The following SPECC1 variants were observed in gnomAD, a reference collection of about 807,000 sequenced individuals.
SPECC1 encodes the protein sperm antigen with calponin homology and coiled-coil domains 1, also known as cytospin-B.
A neutral mutation model predicts 104.1 loss-of-function variants in SPECC1; 62 were observed. That is an observed-to-expected ratio of 0.60 (90% CI 0.49 to 0.74). The LOEUF (loss-of-function observed/expected upper bound fraction) is 0.74, where lower values mean the gene tolerates loss of function less well. Among genes scored for constraint, SPECC1 ranks in the 30% least tolerant of loss-of-function variants. The pLI, the probability that SPECC1 is intolerant of heterozygous loss-of-function variation, is 0.00. For synonymous variants in SPECC1, 513 were observed against 501.6 expected (o/e 1.02, Z -0.30); for missense variants, 1,306 against 1,310.5 (o/e 1.00, Z 0.05).
At chr17:20,070,527 C>T (rs138148575) in intron 1 of SPECC1, among the ~76,000 whole-genome samples, 1 of 152,160 alleles carries the variant, frequency 6.6e-6, no homozygotes, top group South Asian at 2.1e-4. Flanking sequence ...GAGGATTTTT[C>T]TATATCTTAT....
chr17:20,036,619 A>T (rs921967719), intron 1 of SPECC1, among the ~76,000 whole-genome samples: 7 of 152,198 alleles, frequency 4.6e-5, no homozygotes, highest in Admixed American at 4.6e-4. Context: ...AAGTATAGTT[A>T]CCATGTTGTG....
intron 9 of SPECC1, among the ~76,000 whole-genome samples, chr17:20,251,220 A>C (rs1008585016): frequency 1.4e-5 from 2 of 143,962 alleles, no homozygotes; most frequent in African/African-American, 2.6e-5. Flanking sequence ...GTAAGACTCT[A>C]TCTCAAAAAA....
intron 1 of SPECC1, among the ~76,000 whole-genome samples, chr17:20,078,280 A>G (rs2046839805): frequency 6.6e-6 from 1 of 151,786 alleles, no homozygotes; most frequent in Admixed American, 6.5e-5. Flanking sequence ...TGAGAGAAAT[A>G]CATGCAGCAC....
intron 4 of SPECC1, among the ~76,000 whole-genome samples, chr17:20,208,296 A>G (rs142030403): frequency 3.9e-4 from 59 of 152,348 alleles, no homozygotes; most frequent in African/African-American, 1.4e-3. Flanking sequence ...TTGTATATCT[A>G]TCAAGACCCT....
intron 4 of SPECC1, among the ~76,000 whole-genome samples, chr17:20,225,817 G>A (rs1399966421): frequency 6.6e-6 from 1 of 152,178 alleles, no homozygotes; most frequent in African/African-American, 2.4e-5. Context: ...AGCCATTGCT[G>A]GAGGATCCTT....
At chr17:20,306,273 A>G (rs1032983499) in intron 14 of SPECC1, 191 bp downstream of exon 14, 4 of 521,274 alleles carry the variant, frequency 7.7e-6, no homozygotes, top group South Asian at 3.0e-5. Flanking sequence ...TTTCAATCGC[A>G]TAAGATTTCA....
intron 12 of SPECC1, among the ~76,000 whole-genome samples, chr17:20,270,433 CAAAAAAAAAAAAAAAAAAAAAAAA>C (rs71157863): frequency 4.6e-5 from 2 of 43,550 alleles, no homozygotes; most frequent in Admixed American, 7.8e-4. Flanking sequence ...CTGTCTTTAC[CAAAAAAAAAAAAAAAAAAAAAAAA>C]AAAAAAAAAA....
At chr17:20,089,617 C>T (rs1172848385) in intron 1 of SPECC1, among the ~76,000 whole-genome samples, 1 of 152,050 alleles carries the variant, frequency 6.6e-6, no homozygotes, top group African/African-American at 2.4e-5. Flanking sequence ...TGGAGTAAGA[C>T]CCCATCTCTA....
intron 3 of SPECC1, chr17:20,156,278 A>ACC (rs3833861): frequency 1.1e-3 from 1,474 of 1,314,556 alleles, no homozygotes; most frequent in Non-Finnish European, 1.3e-3. Context: ...CCGCAACCCC[A>ACC]CCCCCCCTCC....
chr17:20,207,325 A>G (rs537133432), intron 4 of SPECC1, among the ~76,000 whole-genome samples: 20 of 152,306 alleles, frequency 1.3e-4, no homozygotes, highest in African/African-American at 4.3e-4. Flanking sequence ...CTTTGTCTGT[A>G]TTCTAAATTT....
At chr17:20,249,631 A>G (rs537271841) in intron 9 of SPECC1, among the ~76,000 whole-genome samples, 164 of 152,346 alleles carry the variant, frequency 1.1e-3, no homozygotes, top group Non-Finnish European at 1.8e-3. Context: ...TGTATAAAAA[A>G]GAATCTGTTA....
chr17:20,233,480 C>G (rs2038723165), intron 7 of SPECC1, among the ~76,000 whole-genome samples: 1 of 152,168 alleles, frequency 6.6e-6, no homozygotes, highest in Non-Finnish European at 1.5e-5. Context: ...GGATGAAGAT[C>G]AGATATAGCT....
chr17:20,192,116 T>A (rs149282378), intron 3 of SPECC1, among the ~76,000 whole-genome samples: 86 of 152,070 alleles, frequency 5.7e-4, no homozygotes, highest in African/African-American at 2.0e-3. Context: ...TTTGATTTTT[T>A]TGATGAGACG....
chr17:20,143,638 A>G (rs1466633738), intron 3 of SPECC1, among the ~76,000 whole-genome samples: 2 of 152,092 alleles, frequency 1.3e-5, no homozygotes, highest in Non-Finnish European at 2.9e-5. Flanking sequence ...ACTGCACTCC[A>G]GCCTGTGCAA....
At chr17:20,048,136 C>CTT (rs543097038) in intron 1 of SPECC1, among the ~76,000 whole-genome samples, 14 of 139,910 alleles carry the variant, frequency 1.0e-4, no homozygotes, top group Non-Finnish European at 9.4e-5. Flanking sequence ...AGAAATGAGT[C>CTT]TTTTTTTTTT....
chr17:20,318,464 G>T lies in SPECC1; in HGVS notation c.*4399G>T. ...GTTAGATAAAAACACACATCCCCAG[G>T]GGACAAGCCATCCAGCGGTGAGGAA... On this transcript the variant is annotated 3_prime_UTR_variant, in exon 15 of 15. Coordinates refer to ENST00000395527, the MANE Select transcript of SPECC1 (RefSeq NM_001243439.2). The T allele has an allele frequency of 4.3e-6, 1 of 231,666 alleles. No individual in the cohort carries two copies. The highest frequency in any genetic ancestry group is 8.5e-6 in the Non-Finnish European group (1 of 117,090). 14.4% of individuals were successfully genotyped at this position (231,666 alleles called of 1,614,324 possible). A position where few individuals can be genotyped will look rare whatever the true frequency, so the allele number is the denominator to read the frequency against.
At chr17:20,278,801 A>G (rs2040661969) in intron 12 of SPECC1, among the ~76,000 whole-genome samples, 1 of 152,150 alleles carries the variant, frequency 6.6e-6, no homozygotes. Flanking sequence ...ATCTGCATCA[A>G]AACTGCCAAT....
intron 4 of SPECC1, among the ~76,000 whole-genome samples, chr17:20,218,144 CTG>C (rs1335860599): frequency 6.6e-6 from 1 of 152,178 alleles, no homozygotes; most frequent in Non-Finnish European, 1.5e-5. Flanking sequence ...TCAAACTGAC[CTG>C]TATTATATTA....
intron 3 of SPECC1, among the ~76,000 whole-genome samples, chr17:20,198,247 TCA>T (rs974982372): frequency 6.6e-6 from 1 of 152,182 alleles, no homozygotes; most frequent in African/African-American, 2.4e-5. Flanking sequence ...TAATCCAGCC[TCA>T]GACTTACGTG....
Sources: gnomAD v4.1 joint callset for allele counts (sites outside exome capture counted in the v4.1 genomes callset) on GRCh38, gnomAD v4.1.1 for gene constraint, MANE v1.5 for transcripts, NCBI Gene and HGNC (gene_info 2026-07-23, HGNC 2026-07-21) for gene names.